FRMD5: variants seen among roughly 807,000 people sequenced by gnomAD.
FRMD5 encodes FERM domain-containing protein 5.
FRMD5 carries 20 observed loss-of-function variants against 69.0 expected under a neutral mutation model. The observed-to-expected ratio is 0.29, with a 90% CI of 0.20 to 0.42. The LOEUF is 0.42. FRMD5 is among the 10% of genes least tolerant of loss of function. The pLI, the probability that FRMD5 is intolerant of heterozygous loss-of-function variation, is 1.00. For synonymous variants in FRMD5, 271 were observed against 260.1 expected, an observed-to-expected ratio of 1.04 and a Z score of -0.40; for missense variants, 595 against 708.6, an observed-to-expected ratio of 0.84 and a Z score of 1.82.
At chr15:43,911,216 C>T (rs2089282117) in intron 4 of FRMD5, among the ~76,000 whole-genome samples, 1 of 152,206 alleles carries the variant, frequency 6.6e-6, no homozygotes, top group African/African-American at 2.4e-5. Context: ...CTTTGATAAT[C>T]CTAATTTCAT....
intron 1 of FRMD5, among the ~76,000 whole-genome samples, chr15:43,937,706 C>T (rs1228998650): frequency 6.6e-6 from 1 of 150,586 alleles, no homozygotes; most frequent in Non-Finnish European, 1.5e-5. Flanking sequence ...GGGGAGAAAG[C>T]TGGAGTGAGC....
chr15:43,901,157 C>A (rs2089036859), intron 7 of FRMD5, among the ~76,000 whole-genome samples: 1 of 152,088 alleles, frequency 6.6e-6, no homozygotes, highest in African/African-American at 2.4e-5. Flanking sequence ...CAGCCATCCA[C>A]AGGCCAAGGA....
At chr15:44,129,915 A>G (rs997896745) in intron 1 of FRMD5, among the ~76,000 whole-genome samples, 2 of 152,222 alleles carry the variant, frequency 1.3e-5, no homozygotes, top group African/African-American at 2.4e-5. Flanking sequence ...GGCAAAGCAC[A>G]TGGGTCAGCA....
intron 13 of FRMD5, among the ~76,000 whole-genome samples, chr15:43,882,375 T>G (rs1321121407): frequency 6.6e-6 from 1 of 152,170 alleles, no homozygotes; most frequent in Non-Finnish European, 1.5e-5. Context: ...TCTTTTTTTT[T>G]TGAGATGGAG....
intron 7 of FRMD5, among the ~76,000 whole-genome samples, chr15:43,896,443 G>A (rs1055983319): frequency 2.6e-5 from 4 of 152,180 alleles, no homozygotes; most frequent in Admixed American, 6.5e-5. Context: ...TGTGGCCAAC[G>A]GTATTCTCCT....
At chr15:43,919,215 G>C (rs781189936) in intron 4 of FRMD5, 1 of 646,142 alleles carries the variant, frequency 1.5e-6, no homozygotes, top group Non-Finnish European at 2.9e-6. Flanking sequence ...CCCTTTGAGA[G>C]TGACCAGTTC....
At chr15:44,046,598 C>T (rs139892984) in intron 1 of FRMD5, among the ~76,000 whole-genome samples, 21 of 152,316 alleles carry the variant, frequency 1.4e-4, no homozygotes, top group African/African-American at 4.3e-4. Context: ...CAGCCGCTTT[C>T]CTGGTGTTTG....
chr15:43,959,859 C>T (rs1291821092), intron 1 of FRMD5, among the ~76,000 whole-genome samples: 2 of 152,098 alleles, frequency 1.3e-5, no homozygotes, highest in Non-Finnish European at 2.9e-5. Context: ...CTCATTGATA[C>T]TACTGAAAGG....
At chr15:43,874,679 C>G (rs1015505350) in intron 13 of FRMD5, among the ~76,000 whole-genome samples, 4 of 152,024 alleles carry the variant, frequency 2.6e-5, no homozygotes, top group African/African-American at 9.7e-5. Context: ...ATGGGTGGAT[C>G]GCTTGAGGTC....
intron 1 of FRMD5, among the ~76,000 whole-genome samples, chr15:44,183,069 A>C (rs1402226872): frequency 6.6e-6 from 1 of 151,968 alleles, no homozygotes; most frequent in African/African-American, 2.4e-5. Context: ...AAGTGCTAGG[A>C]TTACAGGCGT....
chr15:44,170,913 T>C, intron 1 of FRMD5, among the ~76,000 whole-genome samples: 1 of 152,344 alleles, frequency 6.6e-6, no homozygotes, highest in Middle Eastern at 3.4e-3. Flanking sequence ...TATTTTAAAA[T>C]ACTTCCATTT....
In FRMD5 at chr15:44,060,393, T is replaced by C. The variant is rs548083780; in HGVS notation, c.102+134560A>G. ...AAGGGGCTGTGACAGTGCTGAGCTC[T>C]ACAGTGACAAATTAAATCATTCAGC... is the stretch of plus-strand genomic sequence containing the variant. On this transcript the variant is annotated intron_variant, in intron 1 of 13. Coordinates refer to ENST00000417257, the MANE Select transcript of FRMD5 (RefSeq NM_032892.5). 5.3e-5 allele frequency among the ~76,000 whole-genome samples: 8 copies of C among 152,312 alleles called. No individual in the cohort carries two copies. In the East Asian group the frequency reaches 1.5e-3, roughly 29 times the overall value.
At chr15:43,900,362 T>C (rs1013865343) in intron 7 of FRMD5, among the ~76,000 whole-genome samples, 4 of 152,204 alleles carry the variant, frequency 2.6e-5, no homozygotes, top group African/African-American at 9.7e-5. Context: ...AATGTGTAAA[T>C]ATCCAAATGT....
intron 1 of FRMD5, among the ~76,000 whole-genome samples, chr15:44,034,778 G>T (rs566121680): frequency 1.3e-4 from 20 of 152,226 alleles, no homozygotes; most frequent in African/African-American, 4.8e-4. Context: ...GCTGAGGGGG[G>T]AAGAGAAGAG....
chr15:44,132,044 T>C (rs542692621), intron 1 of FRMD5, among the ~76,000 whole-genome samples: 1 of 152,184 alleles, frequency 6.6e-6, no homozygotes, highest in South Asian at 2.1e-4. Flanking sequence ...GATGGTCCCA[T>C]CTGGGGGTAA....
chr15:43,980,494 A>C (rs901436469), intron 1 of FRMD5, among the ~76,000 whole-genome samples: 1 of 152,234 alleles, frequency 6.6e-6, no homozygotes, highest in African/African-American at 2.4e-5. Flanking sequence ...TTTGATCTTT[A>C]GATGCTTTCT....
intron 1 of FRMD5, among the ~76,000 whole-genome samples, chr15:44,163,781 A>G (rs1027600097): frequency 6.6e-6 from 1 of 152,172 alleles, no homozygotes; most frequent in African/African-American, 2.4e-5. Context: ...AAAAGGTAAA[A>G]ACTGCTATCT....
At chr15:44,189,649 C>T (rs970064097) in intron 1 of FRMD5, among the ~76,000 whole-genome samples, 5 of 152,042 alleles carry the variant, frequency 3.3e-5, no homozygotes, top group African/African-American at 2.4e-5. Context: ...ACAGCACACA[C>T]CTGGCTAATT....
chr15:44,005,471 C>CAAAAAAAAAAAAA, intron 1 of FRMD5, among the ~76,000 whole-genome samples: 1 of 69,454 alleles, frequency 1.4e-5, no homozygotes, highest in Non-Finnish European at 2.8e-5. Context: ...AACTCCATCT[C>CAAAAAAAAAAAAA]AAAAAAAAAA....
Sources: allele counts gnomAD v4.1 joint callset (sites outside exome capture counted in the v4.1 genomes callset), GRCh38; gene constraint gnomAD v4.1.1; transcripts MANE v1.5; gene names NCBI Gene and HGNC (gene_info 2026-07-23, HGNC 2026-07-21).